Variants in ZNF208 observed in about 807,000 individuals in gnomAD.
ZNF208 encodes the protein zinc finger protein 208, also known as zinc finger protein 95.
A neutral mutation model predicts 12.1 loss-of-function variants in ZNF208; 10 were observed. The ratio of observed to expected loss-of-function variants is 0.83; its 90% confidence interval spans 0.51 to 1.40. The LOEUF (loss-of-function observed/expected upper bound fraction) is 1.40. Ranked by LOEUF, ZNF208 falls within the 40% of genes most tolerant of loss-of-function variation. The pLI, the probability that ZNF208 is intolerant of heterozygous loss-of-function variation, is 0.00. For synonymous variants in ZNF208, 497 were observed against 488.4 expected (o/e 1.02, Z -0.23); for missense variants, 1,652 against 1,485.0 (o/e 1.11, Z -1.85).
intron 4 of ZNF208, among the ~76,000 whole-genome samples, chr19:21,943,546 C>T (rs777919482): frequency 6.6e-6 from 1 of 152,136 alleles, no homozygotes; most frequent in African/African-American, 2.4e-5. Flanking sequence ...ATGTAAAAGT[C>T]TTTATACACA....
Position 21,969,244 on chromosome 19 carries a change from C to T in ZNF208, c.*1947G>A, listed in dbSNP as rs1039902423. Among the ~76,000 whole-genome samples the T allele has an allele frequency of 2.0e-5, 3 of 150,576 alleles. No individual in the cohort carries two copies. Among genetic ancestry groups the T allele is most frequent in the Non-Finnish European group, 4.4e-5 (3 of 67,746 alleles). On this transcript the variant is annotated 3_prime_UTR_variant, in exon 4 of 4. Transcript: ENST00000397126. The stretch of plus-strand genomic sequence containing the variant: ...AGGTGATCTGCCCACCTTGGCATCA[C>T]AAAGTATTGGCCACAGTAAGCCAAT...
At chr19:21,993,483 G>A (rs1230430199) in intron 1 of ZNF208, among the ~76,000 whole-genome samples, 1 of 151,558 alleles carries the variant, frequency 6.6e-6, no homozygotes, top group Non-Finnish European at 1.5e-5. Context: ...CTGCAAAATG[G>A]CCAAGTGATA....
chr19:21,978,964 A>G (rs1416563909), intron 3 of ZNF208, among the ~76,000 whole-genome samples: 1 of 152,252 alleles, frequency 6.6e-6, no homozygotes, highest in Non-Finnish European at 1.5e-5. Context: ...GATAAAGCGG[A>G]AGAAAGGATA....
intron 1 of ZNF208, among the ~76,000 whole-genome samples, chr19:21,989,722 C>G (rs572223993): frequency 1.3e-5 from 2 of 152,284 alleles, no homozygotes; most frequent in Admixed American, 1.3e-4. Context: ...GTTCCTATTT[C>G]TCCACATCCT....
At chr19:21,943,585 T>C (rs1448739890) in intron 4 of ZNF208, among the ~76,000 whole-genome samples, 1 of 152,204 alleles carries the variant, frequency 6.6e-6, no homozygotes, top group Non-Finnish European at 1.5e-5. Flanking sequence ...ACTAAACATA[T>C]GTGGCAACCC....
chr19:22,010,767 A>G, intron 1 of ZNF208, 25 bp downstream of exon 1: 1 of 1,614,076 alleles, frequency 6.2e-7, no homozygotes, highest in East Asian at 2.2e-5. Context: ...CCACTCTCTC[A>G]GTGTGTCGGA....
Position 21,971,647 on chromosome 19 carries a change from A to C in ZNF208, c.3387T>G (p.Thr1129=). The change falls in exon 4 of 4, where the codon ACT becomes ACG. Residue 1129 remains threonine, a synonymous_variant. Coordinates refer to ENST00000397126, the MANE Select transcript of ZNF208 (RefSeq NM_007153.3). ...GKSFSTFSIL[T]KHKVIHTGEK... Reference sequence around the variant, plus strand: ...CTCCAGTATGAATTACCTTATGTTTAGTAAGGATTGAGAACGTACTAAAGC... The same window carrying C: ...CTCCAGTATGAATTACCTTATGTTTCGTAAGGATTGAGAACGTACTAAAGC... 6.2e-7 allele frequency: 1 copy of C among 1,612,930 alleles called. No individual in the cohort carries two copies. Among genetic ancestry groups the C allele is most frequent in the Middle Eastern group, 1.7e-4 (1 of 6,048 alleles).
intron 3 of ZNF208, among the ~76,000 whole-genome samples, chr19:21,985,428 A>C (rs1273468707): frequency 2.0e-5 from 3 of 152,194 alleles, no homozygotes; most frequent in African/African-American, 7.2e-5. Context: ...AGTGCCTTTA[A>C]GAGAGCTTTG....
Position 21,969,197 on chromosome 19 carries a change from C to T in ZNF208, c.*1994G>A, listed in dbSNP as rs2145540621. On this transcript the variant is annotated 3_prime_UTR_variant, in exon 4 of 4. Coordinates refer to ENST00000397126, the MANE Select transcript of ZNF208 (RefSeq NM_007153.3). ...TTTTAGTTCCACTATGTTGGCAAGG[C>T]TGGTCTTGAACTCCTGACCTCAGGT... is the stretch of plus-strand genomic sequence containing the variant. 6.6e-6 allele frequency among the ~76,000 whole-genome samples: 1 copy of T among 152,062 alleles called. No individual in the cohort carries two copies. The highest frequency in any genetic ancestry group is 2.1e-4 in the South Asian group (1 of 4,826).
chr19:21,972,679 A>T lies in ZNF208; in HGVS notation c.2355T>A (p.Ala785=), dbSNP rs1568444068. ...TAATAAGGATTGCAGATCGGTTAAA[A>T]GCTTTGCCACATTCTTCACATTTGT... The part of the protein sequence containing the change: ...KPYKCEECGK[A]FNRSAILIKH... Residue 785 remains alanine, a synonymous_variant, in exon 4 of 4, where the codon GCT becomes GCA. Transcript: ENST00000397126. 4.4e-6 allele frequency: 7 copies of T among 1,609,070 alleles called. 1 individual carries two copies. In the South Asian group the frequency reaches 7.7e-5, roughly 18 times the overall value.
In ZNF208 at chr19:21,970,147, G is replaced by C. The variant is rs986981320; in HGVS notation, c.*1044C>G. On this transcript the variant is annotated 3_prime_UTR_variant, in exon 4 of 4. Transcript: ENST00000397126. ...TTCTTTTATATTCAGAAAAGTCTGA[G>C]GTGTTGCCAAAAGCATTGTCACATC... 1.3e-5 allele frequency among the ~76,000 whole-genome samples: 2 copies of C among 152,132 alleles called. No individual in the cohort carries two copies. The highest frequency in any genetic ancestry group is 2.9e-5 in the Non-Finnish European group (2 of 68,018).
chr19:21,946,869 G>T (rs1285714175), intron 4 of ZNF208, among the ~76,000 whole-genome samples: 1 of 152,088 alleles, frequency 6.6e-6, no homozygotes. Flanking sequence ...CTATACCTCA[G>T]TGTTACCTAA....
rs1970293325 is a variant in ZNF208 at position 21,971,843 on chromosome 19, T to C, written c.3191A>G (p.Lys1064Arg). 1 of 1,613,626 alleles carries C rather than the reference T, an allele frequency of 6.2e-7. No homozygotes were observed. ...AAGTCTTGAGGGCCAGCTGAAGGCT[T>C]TGCCACATTCTTCACATTTGTAGGG... ...EKPYKCEECG[K>R]AFSWPSRLTE... Residue 1064 changes from lysine (K) to arginine (R), a missense_variant, in exon 4 of 4, where the codon AAA (lysine) becomes AGA (arginine). Around this residue, in one of 3 missense-constraint regions of ZNF208, gnomAD observed 1,239 missense variants for 1,086.2 expected, o/e 1.14. Coordinates refer to ENST00000397126, the MANE Select transcript of ZNF208 (RefSeq NM_007153.3).
intron 4 of ZNF208, among the ~76,000 whole-genome samples, chr19:21,959,147 A>C (rs140007284): frequency 1.3e-5 from 2 of 152,188 alleles, no homozygotes; most frequent in African/African-American, 2.4e-5. Flanking sequence ...GCACTTAAGC[A>C]TCAAGGACAG....
intron 4 of ZNF208, among the ~76,000 whole-genome samples, chr19:21,951,942 C>A (rs919542241): frequency 6.6e-6 from 1 of 152,232 alleles, no homozygotes; most frequent in Non-Finnish European, 1.5e-5. Context: ...GATATTCCCA[C>A]CCAAATGCTG....
chr19:21,973,282 T>C lies in ZNF208; in HGVS notation c.1752A>G (p.Glu584=). The C allele has an allele frequency of 1.9e-6, 3 of 1,611,346 alleles. No individual in the cohort carries two copies. Among genetic ancestry groups the C allele is most frequent in the Non-Finnish European group, 1.7e-6 (2 of 1,178,594 alleles). Residue 584 remains glutamate (E), a synonymous_variant, in exon 4 of 4, where the codon GAA becomes GAG. Transcript: ENST00000397126. The part of the protein sequence containing the change: ...IHTVEKPYKC[E]ECGKAFNQSA... ...ATTGGTTAAAAGCTTTGCCACATTC[T>C]TCACATTTGTAGGGTTTCTCTACAG... is the stretch of plus-strand genomic sequence containing the variant.
Position 21,973,259 on chromosome 19 carries a change from T to G in ZNF208, c.1775A>C (p.Gln592Pro). The change falls in exon 4 of 4, where the codon CAA becomes CCA. Residue 592 changes from glutamine to proline, a missense_variant. By Grantham distance (76) the Gln-to-Pro change is moderately conservative (BLOSUM62 -1). This residue lies in a region of ZNF208 where 1,239 missense variants were observed against 1,086.2 expected (regional missense o/e 1.14). Coordinates refer to ENST00000397126, the MANE Select transcript of ZNF208 (RefSeq NM_007153.3). ...KCEECGKAFN[Q>P]SAILIKHKRI... ...CTTATGTTTAATAAGAATTGCAGAT[T>G]GGTTAAAAGCTTTGCCACATTCTTC... 1 of 1,611,748 alleles carries G rather than the reference T, an allele frequency of 6.2e-7. No individual in the cohort carries two copies. Among genetic ancestry groups the G allele is most frequent in the South Asian group, 1.1e-5 (1 of 90,956 alleles).
intron 4 of ZNF208, among the ~76,000 whole-genome samples, chr19:21,952,854 G>T (rs537890504): frequency 1.3e-5 from 2 of 152,070 alleles, no homozygotes; most frequent in Non-Finnish European, 2.9e-5. Flanking sequence ...TCAGAAGGTC[G>T]GTAGTAACAA....
intron 3 of ZNF208, among the ~76,000 whole-genome samples, chr19:21,982,090 G>A (rs1335525268): frequency 6.6e-6 from 1 of 152,090 alleles, no homozygotes; most frequent in African/African-American, 2.4e-5. Context: ...GGGCGCAGTG[G>A]CTAACGTCTG....
Sources: gnomAD v4.1 joint callset for allele counts (sites outside exome capture counted in the v4.1 genomes callset) on GRCh38, gnomAD v4.1.1 for gene constraint, gnomAD v4.1.1 regional missense constraint, MANE v1.5 for transcripts, NCBI Gene and HGNC (gene_info 2026-07-23, HGNC 2026-07-21) for gene names.